ATG2B: variants seen among roughly 807,000 people sequenced by gnomAD.
The protein encoded by ATG2B is autophagy related 2B.
In ATG2B, 121 loss-of-function variants were observed where a neutral mutation model predicts 241.3. That is an observed-to-expected ratio of 0.50 (90% CI 0.43 to 0.58). The LOEUF (loss-of-function observed/expected upper bound fraction) is 0.58. Ranked by LOEUF, ATG2B falls within the 20% of genes least tolerant of loss-of-function variation. The pLI, the probability that ATG2B is intolerant of heterozygous loss-of-function variation, is 0.00. For synonymous variants in ATG2B, 858 were observed against 876.6 expected (o/e 0.98, Z 0.37); for missense variants, 2,306 against 2,491.6 (o/e 0.93, Z 1.59).
intron 6 of ATG2B, among the ~76,000 whole-genome samples, chr14:96,338,580 A>C (rs1240427353): frequency 1.3e-5 from 2 of 152,118 alleles, no homozygotes; most frequent in African/African-American, 4.8e-5. Context: ...GAAAACTGGC[A>C]AGCCACATGT....
intron 31 of ATG2B, among the ~76,000 whole-genome samples, chr14:96,305,185 A>T (rs996736097): frequency 1.3e-5 from 2 of 152,122 alleles, no homozygotes; most frequent in African/African-American, 4.8e-5. Context: ...CAATGACCAC[A>T]GGCTCTCTGC....
At chr14:96,337,515 A>T (rs987769725) in intron 6 of ATG2B, among the ~76,000 whole-genome samples, 1 of 152,138 alleles carries the variant, frequency 6.6e-6, no homozygotes. Context: ...ACCACTACAG[A>T]GAACAGTATG....
Position 96,363,065 on chromosome 14 carries a change from G to T in ATG2B, c.-89C>A. 1 of 1,504,200 alleles carries T rather than the reference G, an allele frequency of 6.6e-7. No individual in the cohort carries two copies. The highest frequency in any genetic ancestry group is 2.3e-5 in the East Asian group (1 of 44,098). The allele number at this position is 1,504,200 out of a possible 1,614,324, so 93.2% of individuals were successfully genotyped here. A position where few individuals can be genotyped will look rare whatever the true frequency, so the allele number is the denominator to read the frequency against. On this transcript the variant is annotated 5_prime_UTR_variant, in exon 1 of 42. Transcript: ENST00000359933. ...CGACTCCGGCTCCAGGCCGCGGCGG[G>T]GCCTAAGCCTGGGGCGGCCCCTCCA... is the stretch of plus-strand genomic sequence containing the variant.
chr14:96,285,853 T>C lies in ATG2B; in HGVS notation c.6139A>G (p.Thr2047Ala), dbSNP rs749607442. The C allele has an allele frequency of 1.9e-6, 3 of 1,614,116 alleles. No individual in the cohort carries two copies. Among genetic ancestry groups the C allele is most frequent in the Non-Finnish European group, 2.5e-6 (3 of 1,180,016 alleles). ...PAVVKPLIVA[T>A]EATSNVLGGM... is the part of the protein sequence containing the mutation. ...CCCAGCACGTTTGACGTTGCTTCTG[T>C]GGCAACAATCAGAGGTTTCACCACT... Residue 2047 changes from threonine (T) to alanine (A), a missense_variant, in exon 42 of 42, where the codon ACA (threonine) becomes GCA (alanine). By Grantham distance (58) the Thr-to-Ala change is moderately conservative. This residue lies in a region of ATG2B where 379 missense variants were observed against 480.4 expected (regional missense o/e 0.79). Coordinates refer to ENST00000359933, the MANE Select transcript of ATG2B (RefSeq NM_018036.7). The surrounding 1 kb of genome is among the most constrained non-coding windows in gnomAD (Gnocchi z 4.2).
At chr14:96,292,686 T>C (rs373584859) in intron 36 of ATG2B, among the ~76,000 whole-genome samples, 3 of 152,204 alleles carry the variant, frequency 2.0e-5, no homozygotes, top group African/African-American at 7.2e-5. Context: ...GCCACCTACA[T>C]TGTTAAATTT....
rs756599134 is a variant in ATG2B at position 96,341,493 on chromosome 14, T to C, written c.924+29A>G. On this transcript the variant is annotated intron_variant, in intron 6 of 41. Coordinates refer to ENST00000359933, the MANE Select transcript of ATG2B (RefSeq NM_018036.7). The stretch of plus-strand genomic sequence containing the variant: ...GAATACTTGTACTTTTATTTTGGTT[T>C]TACTACAGAAAGTGAAACAAACACT... The C allele has an allele frequency of 2.6e-6, 4 of 1,526,468 alleles. No homozygotes were observed. In the East Asian group the frequency reaches 9.3e-5, roughly 36 times the overall value. 94.6% of individuals were successfully genotyped at this position (1,526,468 alleles called of 1,614,324 possible).
At chr14:96,355,803 T>C (rs1888457054) in intron 1 of ATG2B, among the ~76,000 whole-genome samples, 1 of 152,154 alleles carries the variant, frequency 6.6e-6, no homozygotes, top group African/African-American at 2.4e-5. Flanking sequence ...ATAGATTAAC[T>C]AGGCAAAGAA....
At chr14:96,292,818 C>T (rs1431972602) in intron 36 of ATG2B, among the ~76,000 whole-genome samples, 2 of 152,170 alleles carry the variant, frequency 1.3e-5, no homozygotes, top group Non-Finnish European at 2.9e-5. Context: ...AAGTGGATTG[C>T]TTCCAGGGCC....
At chr14:96,326,050 C>A in intron 14 of ATG2B, 128 bp from the exon 15 acceptor site, 1 of 858,034 alleles carries the variant, frequency 1.2e-6, no homozygotes, top group East Asian at 2.9e-5. Context: ...AAAGTCAATT[C>A]AAATTAACCA....
intron 36 of ATG2B, among the ~76,000 whole-genome samples, chr14:96,294,390 A>G (rs954332179): frequency 3.9e-5 from 6 of 152,256 alleles, no homozygotes; most frequent in African/African-American, 1.2e-4. Context: ...ACAGGTCTGT[A>G]AATGAGGAAA....
At chr14:96,316,210 G>A (rs1352555777) in intron 21 of ATG2B, among the ~76,000 whole-genome samples, 4 of 152,184 alleles carry the variant, frequency 2.6e-5, no homozygotes, top group Non-Finnish European at 5.9e-5. Context: ...TCACTAAAGT[G>A]TATGAAATTT....
At position 96,363,156 on chromosome 14, in the gene ATG2B, G is replaced by A. The variant is rs1318233442; in HGVS notation, c.-180C>T. The A allele has an allele frequency of 1.6e-6, 1 of 642,194 alleles. No individual in the cohort carries two copies. The highest frequency in any genetic ancestry group is 2.7e-6 in the Non-Finnish European group (1 of 376,486). 39.8% of individuals were successfully genotyped at this position (642,194 alleles called of 1,614,324 possible). On this transcript the variant is annotated 5_prime_UTR_variant, in exon 1 of 42. Coordinates refer to ENST00000359933, the MANE Select transcript of ATG2B (RefSeq NM_018036.7). ...GCCGGCGCCGCACCGCTCGCGCTGG[G>A]CCTGGCGGAGGCAAGACGCAGAGGG...
chr14:96,312,286 T>C (rs1036051864), intron 25 of ATG2B, 127 bp from the exon 26 acceptor site: 1 of 649,152 alleles, frequency 1.5e-6, no homozygotes, highest in Non-Finnish European at 2.7e-6. Flanking sequence ...AAGCAGTTTC[T>C]AACTTATAAC....
In ATG2B at chr14:96,283,705, A is replaced by G. The variant is rs1218784402; in HGVS notation, c.*2050T>C. On this transcript the variant is annotated 3_prime_UTR_variant, in exon 42 of 42. Transcript: ENST00000359933. ...GACACTTGTAAAAAAGAAAAAGCTT[A>G]AGGACATTTAATAATGTAGAAGTGT... 6.6e-6 allele frequency: 1 copy of G among 152,244 alleles called. No individual in the cohort carries two copies. Among genetic ancestry groups the G allele is most frequent in the Non-Finnish European group, 1.5e-5 (1 of 68,046 alleles). 9.4% of individuals were successfully genotyped at this position (152,244 alleles called of 1,614,324 possible).
rs1566728674 is a variant in ATG2B at position 96,332,413 on chromosome 14, A to G, written c.1363-3T>C. 2 of 1,613,496 alleles carry G rather than the reference A, an allele frequency of 1.2e-6. No homozygotes were observed. Among genetic ancestry groups the G allele is most frequent in the Non-Finnish European group, 1.7e-6 (2 of 1,179,610 alleles). ...AACTCTCCCCAAGTGGGCTGAAGCT[A>G]TAAAAGATTTTTTTTAAGCACATGA... On this transcript the variant is annotated splice_region_variant and splice_polypyrimidine_tract_variant and intron_variant, in intron 9 of 41. Coordinates refer to ENST00000359933, the MANE Select transcript of ATG2B (RefSeq NM_018036.7).
rs763322628 is a variant in ATG2B at position 96,332,646 on chromosome 14, ACTT to A, written c.1214_1216del (p.Glu405del). ...GTCCATATCAGCCATGGAGAAGAATACTTCTTCTTCTAGAGAGAATTAAACTAT... is the reference window on the plus strand; with the variant it reads ...GTCCATATCAGCCATGGAGAAGAATACTTCTTCTAGAGAGAATTAAACTAT... On this transcript the variant is annotated inframe_deletion, in exon 9 of 42. Coordinates refer to ENST00000359933, the MANE Select transcript of ATG2B (RefSeq NM_018036.7). 29 of 1,563,338 alleles carry A rather than the reference ACTT, an allele frequency of 1.9e-5. No individual in the cohort carries two copies. The highest frequency in any genetic ancestry group is 6.9e-5 in the African/African-American group (5 of 72,456).
In ATG2B at chr14:96,362,932, C is replaced by G. The variant is rs375803555; in HGVS notation, c.45G>C (p.Arg15=). 1 of 1,613,506 alleles carries G rather than the reference C, an allele frequency of 6.2e-7. No homozygotes were observed. Among genetic ancestry groups the G allele is most frequent in the African/African-American group, 1.3e-5 (1 of 74,940 alleles). ...FSESIKKRAC[R]YLLQRYLGHF... Reference sequence around the variant, plus strand: ...GGCCCAGGTACCTCTGCAGGAGGTACCGGCAGGCCCTCTTCTTGATGGACT... The same window carrying G: ...GGCCCAGGTACCTCTGCAGGAGGTAGCGGCAGGCCCTCTTCTTGATGGACT... Residue 15 remains arginine, a synonymous_variant, in exon 1 of 42, where the codon CGG becomes CGC. Transcript: ENST00000359933.
intron 30 of ATG2B, among the ~76,000 whole-genome samples, chr14:96,306,229 T>A (rs1191761363): frequency 6.6e-6 from 1 of 152,236 alleles, no homozygotes; most frequent in East Asian, 1.9e-4. Flanking sequence ...TTTAAAAATT[T>A]AACCAGAAGG....
At chr14:96,343,829 C>A (rs1447132140) in intron 4 of ATG2B, among the ~76,000 whole-genome samples, 1 of 152,192 alleles carries the variant, frequency 6.6e-6, no homozygotes, top group African/African-American at 2.4e-5. Flanking sequence ...TTTAAATCTA[C>A]TATTTAAGGC....
Sources: allele counts gnomAD v4.1 joint callset (sites outside exome capture counted in the v4.1 genomes callset), GRCh38; gene constraint gnomAD v4.1.1; regional missense constraint gnomAD v4.1.1; non-coding constraint Gnocchi (gnomAD v3.1); transcripts MANE v1.5; gene names NCBI Gene and HGNC (gene_info 2026-07-23, HGNC 2026-07-21).